The following SLC39A11 variants were observed in gnomAD, a reference collection of about 807,000 sequenced individuals.
SLC39A11 encodes zinc transporter ZIP11.
Under a neutral mutation model 36.1 loss-of-function variants are expected in SLC39A11, and 33 were observed. The observed-to-expected ratio is 0.91, with a 90% confidence interval of 0.69 to 1.22. The LOEUF (loss-of-function observed/expected upper bound fraction) is 1.22, where lower values mean the gene tolerates loss of function less well. Among genes scored for constraint, SLC39A11 ranks in the 50% most tolerant of loss-of-function variants. SLC39A11 has a pLI of 0.00. For missense variants in SLC39A11, 432 were observed against 430.3 expected (o/e 1.00, Z -0.03); for synonymous variants, 166 against 170.3 (o/e 0.97, Z 0.20).
intron 6 of SLC39A11, among the ~76,000 whole-genome samples, chr17:72,799,221 T>C (rs1321750646): frequency 6.6e-6 from 1 of 152,248 alleles, no homozygotes; most frequent in African/African-American, 2.4e-5. Flanking sequence ...TAATTTCTTA[T>C]GCCTGTCTTG....
In SLC39A11 at chr17:72,647,412, TCAAAG is replaced by T. The variant is rs1598203805; in HGVS notation, c.*167_*171del. 1 of 474,048 alleles carries T rather than the reference TCAAAG, an allele frequency of 2.1e-6. No individual in the cohort carries two copies. Among genetic ancestry groups the T allele is most frequent in the South Asian group, 4.1e-5 (1 of 24,286 alleles). The allele number at this position is 474,048 out of a possible 1,614,324, so 29.4% of individuals were successfully genotyped here. On this transcript the variant is annotated 3_prime_UTR_variant, in exon 10 of 10. Transcript: ENST00000255559. ...TTCCCCATTAAATCAAAAATCTCCC[TCAAAG>T]CAAAGTAAAAATGGTTCTATTATAA...
intron 7 of SLC39A11, among the ~76,000 whole-genome samples, chr17:72,670,245 T>C (rs1322579632): frequency 6.7e-6 from 1 of 149,938 alleles, no homozygotes; most frequent in Non-Finnish European, 1.5e-5. Context: ...GTGGCACACA[T>C]CTGTGGTCCC....
chr17:72,859,757 G>A (rs1288789908), intron 5 of SLC39A11, among the ~76,000 whole-genome samples: 2 of 145,472 alleles, frequency 1.4e-5, no homozygotes, highest in African/African-American at 2.6e-5. Context: ...TATGGGCCAA[G>A]GCTGGCGGAT....
chr17:72,879,767 T>A (rs372512516), intron 5 of SLC39A11, among the ~76,000 whole-genome samples: 38 of 152,298 alleles, frequency 2.5e-4, no homozygotes, highest in African/African-American at 8.9e-4. Flanking sequence ...TATAGATAAA[T>A]CTCTCACCCT....
intron 4 of SLC39A11, among the ~76,000 whole-genome samples, chr17:72,966,999 T>A (rs780323072): frequency 1.3e-5 from 2 of 152,120 alleles, no homozygotes; most frequent in Non-Finnish European, 2.9e-5. Context: ...ATGCAAAGGA[T>A]CTAGGTTGCG....
chr17:72,725,962 C>G (rs1028423727), intron 7 of SLC39A11, among the ~76,000 whole-genome samples: 2 of 152,200 alleles, frequency 1.3e-5, no homozygotes, highest in South Asian at 4.1e-4. Flanking sequence ...ACAGTGGGAT[C>G]AAGATGTCAA....
intron 5 of SLC39A11, among the ~76,000 whole-genome samples, chr17:72,877,549 C>G (rs1214093994): frequency 6.6e-6 from 1 of 152,098 alleles, no homozygotes; most frequent in East Asian, 1.9e-4. Context: ...AATTACTTTT[C>G]CCCCCATTTG....
intron 7 of SLC39A11, among the ~76,000 whole-genome samples, chr17:72,684,217 C>T (rs569472896): frequency 7.2e-5 from 11 of 152,128 alleles, no homozygotes; most frequent in South Asian, 4.1e-4. Flanking sequence ...CTCCCTTGCC[C>T]GGAGGCACCT....
At chr17:73,042,966 G>T (rs2059157681) in intron 3 of SLC39A11, among the ~76,000 whole-genome samples, 1 of 152,170 alleles carries the variant, frequency 6.6e-6, no homozygotes, top group South Asian at 2.1e-4. Flanking sequence ...CAGACCCCAG[G>T]GGGTTGCAAG....
chr17:72,824,340 C>T (rs2077924368), intron 6 of SLC39A11, among the ~76,000 whole-genome samples: 1 of 151,338 alleles, frequency 6.6e-6, no homozygotes, highest in Non-Finnish European at 1.5e-5. Flanking sequence ...TTTCCTGAGG[C>T]CTCCCCAGCC....
intron 6 of SLC39A11, among the ~76,000 whole-genome samples, chr17:72,779,699 T>A (rs2144842974): frequency 6.6e-6 from 1 of 152,290 alleles, no homozygotes; most frequent in Middle Eastern, 3.4e-3. Flanking sequence ...AATTCACACC[T>A]TCTGGTCTCT....
At chr17:72,756,999 A>T (rs1341605384) in intron 6 of SLC39A11, among the ~76,000 whole-genome samples, 1 of 150,216 alleles carries the variant, frequency 6.7e-6, no homozygotes, top group Non-Finnish European at 1.5e-5. Flanking sequence ...GAAAAAAAAA[A>T]AAAAACCAAC....
At chr17:72,846,083 G>A (rs1192158593) in intron 6 of SLC39A11, among the ~76,000 whole-genome samples, 1 of 133,256 alleles carries the variant, frequency 7.5e-6, no homozygotes, top group Admixed American at 8.5e-5. Context: ...AGGCTGCAGT[G>A]CAGTAGCATG....
intron 5 of SLC39A11, among the ~76,000 whole-genome samples, chr17:72,932,640 C>T (rs1040396931): frequency 3.9e-5 from 6 of 152,134 alleles, no homozygotes; most frequent in Non-Finnish European, 7.3e-5. Context: ...TCAAAATCCC[C>T]ACGGTCTGGG....
rs577865530 is a variant in SLC39A11 at position 72,730,908 on chromosome 17, G to A, written c.671+5742C>T. ...AGGAACTATAGGTGTGCGCCACCAC[G>A]TCCGGCGAATTTTTTGTATTTTTAG... On this transcript the variant is annotated intron_variant, in intron 7 of 9. Coordinates refer to ENST00000255559, the MANE Select transcript of SLC39A11 (RefSeq NM_139177.4). Among the ~76,000 whole-genome samples the A allele has an allele frequency of 2.6e-5, 4 of 152,170 alleles. No homozygotes were observed. The South Asian group carries it at 6.2e-4, about 24-fold the overall frequency.
intron 4 of SLC39A11, among the ~76,000 whole-genome samples, chr17:73,008,359 C>A (rs11871549): frequency 0.64 from 97,981 of 151,982 alleles, 34,779 homozygotes; most frequent in Non-Finnish European, 0.81. Context: ...AGTGAAGGCA[C>A]TTACAATGAA....
intron 4 of SLC39A11, among the ~76,000 whole-genome samples, chr17:72,963,488 T>C (rs1418271332): frequency 6.6e-6 from 1 of 151,584 alleles, no homozygotes; most frequent in East Asian, 1.9e-4. Flanking sequence ...GTATAATTCT[T>C]AAGGGCCATC....
chr17:73,070,829 T>C (rs1314174452), intron 3 of SLC39A11, among the ~76,000 whole-genome samples: 1 of 152,190 alleles, frequency 6.6e-6, no homozygotes, highest in Non-Finnish European at 1.5e-5. Flanking sequence ...ATGTCAGACA[T>C]GCCTTTCACT....
intron 5 of SLC39A11, among the ~76,000 whole-genome samples, chr17:72,882,783 G>A (rs1311544247): frequency 9.9e-6 from 1 of 101,316 alleles, no homozygotes; most frequent in Non-Finnish European, 1.9e-5. Flanking sequence ...CTGCTTGAGG[G>A]AGAGAGAATG....
Sources: allele counts gnomAD v4.1 joint callset (sites outside exome capture counted in the v4.1 genomes callset), GRCh38; gene constraint gnomAD v4.1.1; transcripts MANE v1.5; gene names NCBI Gene and HGNC (gene_info 2026-07-23, HGNC 2026-07-21).